Variants in CDH1 observed in about 807,000 individuals in gnomAD.
The protein encoded by CDH1 is cadherin-1.
A neutral mutation model predicts 84.5 loss-of-function variants in CDH1; 35 were observed. That is an observed-to-expected ratio of 0.41 (90% confidence interval 0.32 to 0.55). CDH1 has a LOEUF of 0.55. Ranked by LOEUF, CDH1 falls within the 20% of genes least tolerant of loss-of-function variation. CDH1 has a pLI of 0.19. For missense variants in CDH1, 994 were observed against 1,126.6 expected, an observed-to-expected ratio of 0.88 and a Z score of 1.68; for synonymous variants, 417 against 439.0, an observed-to-expected ratio of 0.95 and a Z score of 0.63.
At chr16:68,812,938 T>A (rs560032983) in intron 8 of CDH1, among the ~76,000 whole-genome samples, 2 of 152,068 alleles carry the variant, frequency 1.3e-5, no homozygotes, top group East Asian at 3.9e-4. Flanking sequence ...TACTCGGGCA[T>A]CTGAGGCATG....
At chr16:68,755,160 C>T (rs1374301687) in intron 2 of CDH1, among the ~76,000 whole-genome samples, 2 of 151,234 alleles carry the variant, frequency 1.3e-5, no homozygotes, top group Non-Finnish European at 2.9e-5. Context: ...GCTTGTAGTC[C>T]CAGCTACTTG....
At chr16:68,790,725 G>A (rs896963002) in intron 2 of CDH1, among the ~76,000 whole-genome samples, 13 of 152,150 alleles carry the variant, frequency 8.5e-5, no homozygotes, top group Non-Finnish European at 1.8e-4. Flanking sequence ...AAAACAAATT[G>A]AGATGAGATT....
chr16:68,824,879 C>T (rs1329637500), intron 13 of CDH1, among the ~76,000 whole-genome samples: 1 of 152,104 alleles, frequency 6.6e-6, no homozygotes, highest in Non-Finnish European at 1.5e-5. Context: ...TGGAGGAGTG[C>T]ACTACATCAG....
chr16:68,745,582 G>A (rs56023030), intron 2 of CDH1, among the ~76,000 whole-genome samples: 4 of 29,196 alleles, frequency 1.4e-4, no homozygotes, highest in African/African-American at 5.2e-4. Context: ...ATATGTATGT[G>A]TAATATATGT....
chr16:68,810,567 T>C (rs1960793576), intron 6 of CDH1, among the ~76,000 whole-genome samples: 1 of 79,604 alleles, frequency 1.3e-5, no homozygotes, highest in Admixed American at 1.2e-4. Context: ...TTATTATTAA[T>C]TTTTTTTTTT....
intron 12 of CDH1, chr16:68,822,538 C>A: frequency 1.9e-6 from 1 of 525,206 alleles, no homozygotes; most frequent in Non-Finnish European, 3.6e-6. Flanking sequence ...GCTCCTGGGA[C>A]CAAACAACAC....
In CDH1 at chr16:68,810,229, T is replaced by A. The variant is rs2152131034; in HGVS notation, c.720T>A (p.Asn240Lys). 1 of 1,614,154 alleles carries A rather than the reference T, an allele frequency of 6.2e-7. No homozygotes were observed. Among genetic ancestry groups the A allele is most frequent in the African/African-American group, 1.3e-5 (1 of 75,038 alleles). The change falls in exon 6 of 16, where the codon AAT becomes AAA. Residue 240 changes from asparagine to lysine, a missense_variant. Physicochemically the swap from Asn to Lys is moderately conservative, Grantham distance 94. Around this residue, in one of 3 missense-constraint regions of CDH1, gnomAD observed 769 missense variants for 881.8 expected, o/e 0.87. Coordinates refer to ENST00000261769, the MANE Select transcript of CDH1 (RefSeq NM_004360.5). ...LFSHAVSSNG[N>K]AVEDPMEILI... ...CTCACGCTGTGTCATCCAACGGGAA[T>A]GCAGTTGAGGATCCAATGGAGATTT...
intron 2 of CDH1, among the ~76,000 whole-genome samples, chr16:68,800,226 CAG>C (rs1270255679): frequency 1.3e-5 from 2 of 151,748 alleles, no homozygotes; most frequent in Admixed American, 6.6e-5. Flanking sequence ...AGGGTCTCTC[CAG>C]AGAGAGGAAG....
intron 2 of CDH1, among the ~76,000 whole-genome samples, chr16:68,761,010 C>G (rs1412059426): frequency 6.6e-6 from 1 of 152,182 alleles, no homozygotes; most frequent in Non-Finnish European, 1.5e-5. Flanking sequence ...GATGGTGACT[C>G]AGATAGGTCA....
chr16:68,740,984 T>A (rs920355927), intron 2 of CDH1, among the ~76,000 whole-genome samples: 7 of 151,894 alleles, frequency 4.6e-5, no homozygotes, highest in Non-Finnish European at 1.0e-4. Flanking sequence ...GGGGAATTAG[T>A]GTCCAATGTG....
chr16:68,792,864 AAGGGGACTT>A (rs1212118479), intron 2 of CDH1, among the ~76,000 whole-genome samples: 1 of 152,212 alleles, frequency 6.6e-6, no homozygotes, highest in Non-Finnish European at 1.5e-5. Flanking sequence ...GACAGAAGCC[AAGGGGACTT>A]TGCTCCCTGC....
intron 2 of CDH1, among the ~76,000 whole-genome samples, chr16:68,756,212 G>T (rs1444708958): frequency 6.6e-6 from 1 of 151,772 alleles, no homozygotes; most frequent in Non-Finnish European, 1.5e-5. Flanking sequence ...TCAGTACGAG[G>T]CTTCCTCCCC....
At chr16:68,804,050 TAAG>T (rs1346014181) in intron 3 of CDH1, among the ~76,000 whole-genome samples, 1 of 145,890 alleles carries the variant, frequency 6.9e-6, no homozygotes, top group African/African-American at 2.5e-5. Context: ...TTCTAAGCAA[TAAG>T]AAGGAGAAAG....
chr16:68,772,410 A>G (rs1959603638), intron 2 of CDH1, among the ~76,000 whole-genome samples: 1 of 152,210 alleles, frequency 6.6e-6, no homozygotes, highest in Admixed American at 6.5e-5. Flanking sequence ...AATAAGCCAT[A>G]GACCCATCAA....
At chr16:68,749,078 C>T (rs138051128) in intron 2 of CDH1, among the ~76,000 whole-genome samples, 1 of 152,162 alleles carries the variant, frequency 6.6e-6, no homozygotes, top group African/African-American at 2.4e-5. Context: ...CTCAGGTGAT[C>T]CACCTGCCTT....
chr16:68,822,357 C>T, intron 12 of CDH1, 132 bp downstream of exon 12: 1 of 729,568 alleles, frequency 1.4e-6, no homozygotes, highest in Non-Finnish European at 2.5e-6. Flanking sequence ...CTTCCTTGTC[C>T]CTTCTGTCTT....
At chr16:68,801,619 CTT>C (rs1960501141) in intron 2 of CDH1, 49 bp from the exon 3 acceptor site, 3 of 1,483,728 alleles carry the variant, frequency 2.0e-6, no homozygotes, top group Non-Finnish European at 2.8e-6. Context: ...AAGGAATGCT[CTT>C]GTCTTTAATC....
At chr16:68,831,385 C>T (rs1596974492) in intron 15 of CDH1, among the ~76,000 whole-genome samples, 2 of 150,874 alleles carry the variant, frequency 1.3e-5, no homozygotes, top group Non-Finnish European at 3.0e-5. Flanking sequence ...CCACCACGCC[C>T]GGACTGCTTT....
At chr16:68,740,280 AT>A (rs972877845) in intron 2 of CDH1, among the ~76,000 whole-genome samples, 2 of 150,188 alleles carry the variant, frequency 1.3e-5, no homozygotes, top group Non-Finnish European at 1.5e-5. Context: ...TTGTCTTTAC[AT>A]TTTTTTTTTG....
Sources: gnomAD v4.1 joint callset for allele counts (sites outside exome capture counted in the v4.1 genomes callset) on GRCh38, gnomAD v4.1.1 for gene constraint, gnomAD v4.1.1 regional missense constraint, MANE v1.5 for transcripts, NCBI Gene and HGNC (gene_info 2026-07-23, HGNC 2026-07-21) for gene names.